Variants in PFKM observed in about 807,000 individuals in gnomAD.
PFKM encodes phosphofructokinase, muscle, also known as ATP-dependent 6-phosphofructokinase, muscle type.
In PFKM, 58 loss-of-function variants were observed where a neutral mutation model predicts 95.5. That is an observed-to-expected ratio of 0.61 (90% confidence interval 0.49 to 0.76). The LOEUF is 0.76. PFKM is among the 30% of genes least tolerant of loss of function. PFKM has a pLI of 0.00. For missense variants in PFKM, 678 were observed against 1,005.4 expected (o/e 0.67, Z 4.40); for synonymous variants, 336 against 357.2 (o/e 0.94, Z 0.67).
intron 10 of PFKM, among the ~76,000 whole-genome samples, chr12:48,136,474 G>A (rs189692986): frequency 5.9e-5 from 9 of 152,130 alleles, no homozygotes; most frequent in African/African-American, 2.2e-4. Flanking sequence ...AAGCGACTAT[G>A]AACATTTGTG....
At position 48,130,352 on chromosome 12, in the gene PFKM, C is replaced by A. The variant is rs2135841587; in HGVS notation, c.86-11C>A. The A allele has an allele frequency of 1.2e-6, 2 of 1,610,156 alleles. No homozygotes were observed. Among genetic ancestry groups the A allele is most frequent in the Non-Finnish European group, 8.5e-7 (1 of 1,176,322 alleles). Reference sequence around the variant, plus strand: ...CAACCTCTCCGTGACTTCTTTTGTCCCTCCTTTCAGGTATGAATGCTGCTG... The same window carrying A: ...CAACCTCTCCGTGACTTCTTTTGTCACTCCTTTCAGGTATGAATGCTGCTG... On this transcript the variant is annotated splice_polypyrimidine_tract_variant and intron_variant, in intron 2 of 22. Coordinates refer to ENST00000359794, the MANE Select transcript of PFKM (RefSeq NM_000289.6).
intron 13 of PFKM, 81 bp from the exon 14 acceptor site, chr12:48,140,640 GC>G: frequency 7.4e-7 from 1 of 1,343,118 alleles, no homozygotes. Context: ...AGGGCTTAGA[GC>G]CCTTGCCCTC....
chr12:48,138,806 G>A (rs1332189950), intron 11 of PFKM, among the ~76,000 whole-genome samples: 1 of 152,224 alleles, frequency 6.6e-6, no homozygotes. Context: ...TATAATCCCA[G>A]CACTTTGGGA....
chr12:48,134,715 T>C lies in PFKM; in HGVS notation c.639-6T>C. ...TCTAGCAGGATGCTTCTGACTCTCA[T>C]CTCAGATACCTGGCCCTTGTCACCT... On this transcript the variant is annotated splice_polypyrimidine_tract_variant and splice_region_variant and intron_variant, in intron 7 of 22. Transcript: ENST00000359794. 1.3e-6 allele frequency: 2 copies of C among 1,595,796 alleles called. No homozygotes were observed. The highest frequency in any genetic ancestry group is 1.7e-6 in the Non-Finnish European group (2 of 1,163,274).
chr12:48,142,149 T>C, intron 17 of PFKM, 83 bp downstream of exon 17: 1 of 1,293,944 alleles, frequency 7.7e-7, no homozygotes, highest in Non-Finnish European at 1.1e-6. Context: ...AGTGAGCTAC[T>C]CTTTATATCA....
chr12:48,127,620 C>T (rs544525818), intron 2 of PFKM, among the ~76,000 whole-genome samples: 1 of 152,318 alleles, frequency 6.6e-6, no homozygotes, highest in South Asian at 2.1e-4. Flanking sequence ...CAGTTCAGGC[C>T]TTCCACATTT....
upstream of PFKM, chr12:48,105,609 G>A (rs934097770): frequency 5.2e-5 from 24 of 457,870 alleles, no homozygotes; most frequent in Non-Finnish European, 5.2e-5. Context: ...GAAGGCGGGA[G>A]ATGAAGCCGG....
At position 48,141,366 on chromosome 12, in the gene PFKM, A is replaced by G. The variant is rs763549361; in HGVS notation, c.1397A>G (p.Lys466Arg). Residue 466 changes from lysine to arginine, a missense_variant, in exon 15 of 23, where the codon AAA becomes AGA. Coordinates refer to ENST00000359794, the MANE Select transcript of PFKM (RefSeq NM_000289.6). ...VGGWTGQGGS[K>R]LGTKRTLPKK... ...GGCTGGACTGGCCAAGGTGGCTCTA[A>G]ACTTGGGACTAAAAGGTAAGTAGCA... 6.2e-7 allele frequency: 1 copy of G among 1,614,078 alleles called. No individual in the cohort carries two copies. The highest frequency in any genetic ancestry group is 2.2e-5 in the East Asian group (1 of 44,878).
chr12:48,127,229 A>G (rs982724670), intron 2 of PFKM, among the ~76,000 whole-genome samples: 2 of 147,670 alleles, frequency 1.4e-5, no homozygotes, highest in Admixed American at 6.8e-5. Flanking sequence ...ATTAGTTTTT[A>G]TCATGGAACC....
chr12:48,143,074 GA>G (rs1950715393), intron 18 of PFKM, 128 bp downstream of exon 18: 1 of 864,882 alleles, frequency 1.2e-6, no homozygotes, highest in African/African-American at 1.7e-5. Context: ...GTGAAGACCA[GA>G]AAGAGCACTA....
chr12:48,117,285 T>C (rs537177454), upstream of PFKM, among the ~76,000 whole-genome samples: 2 of 152,388 alleles, frequency 1.3e-5, no homozygotes, highest in South Asian at 4.1e-4. Context: ...AATAAAGCTT[T>C]TATAAACATT....
chr12:48,115,347 G>A (rs1236237899), upstream of PFKM, among the ~76,000 whole-genome samples: 1 of 152,234 alleles, frequency 6.6e-6, no homozygotes, highest in Non-Finnish European at 1.5e-5. Context: ...TCCGAAAAAG[G>A]AGTCTGCAAA....
intron 1 of PFKM, 57 bp downstream of exon 1, chr12:48,119,463 G>T (rs1297549142): frequency 1.5e-4 from 145 of 957,140 alleles, no homozygotes; most frequent in Non-Finnish European, 1.8e-4. Flanking sequence ...AGGTGGGAAG[G>T]TATGGGCCGG....
At chr12:48,136,019 G>A (rs1474794395) in intron 10 of PFKM, among the ~76,000 whole-genome samples, 1 of 152,096 alleles carries the variant, frequency 6.6e-6, no homozygotes, top group Admixed American at 6.5e-5. Context: ...CTCCCAAGTA[G>A]CTGGGACTAC....
intron 4 of PFKM, 22 bp downstream of exon 4, chr12:48,131,415 G>A: frequency 6.4e-7 from 1 of 1,556,192 alleles, no homozygotes; most frequent in Non-Finnish European, 8.9e-7. Context: ...AGAACTCCCT[G>A]TCCCATATTT....
At chr12:48,105,732 T>C (rs2137442732), upstream of PFKM, 4 of 517,750 alleles carry the variant, frequency 7.7e-6, no homozygotes, top group Non-Finnish European at 1.4e-5. Flanking sequence ...GGCTGGGCGC[T>C]GGGATGGGGC....
chr12:48,118,113 C>A (rs1298361974), upstream of PFKM, among the ~76,000 whole-genome samples: 1 of 152,170 alleles, frequency 6.6e-6, no homozygotes, highest in Non-Finnish European at 1.5e-5. Context: ...AGAGTCTGTT[C>A]TATCAGTAAT....
intron 12 of PFKM, 187 bp downstream of exon 12, chr12:48,139,536 G>A (rs1592779046): frequency 1.5e-6 from 1 of 645,582 alleles, no homozygotes; most frequent in South Asian, 1.8e-5. Flanking sequence ...TCTCAGGGGT[G>A]TGGTCCCTGG....
In PFKM at chr12:48,146,090, C is replaced by T. The variant is rs1420236661; in HGVS notation, c.*382C>T. The T allele has an allele frequency of 1.1e-5, 3 of 263,846 alleles. No homozygotes were observed. The East Asian group carries it at 2.8e-4, about 25-fold the overall frequency. 16.3% of individuals were successfully genotyped at this position (263,846 alleles called of 1,614,324 possible). A position where few individuals can be genotyped will look rare whatever the true frequency, so the allele number is the denominator to read the frequency against. ...AAATTGTAACTACACTAATAAATGC[C>T]AACTGGTCACTGTGCTTTTGCTTCT... On this transcript the variant is annotated 3_prime_UTR_variant, in exon 23 of 23. Coordinates refer to ENST00000359794, the MANE Select transcript of PFKM (RefSeq NM_000289.6).
Sources: allele counts gnomAD v4.1 joint callset (sites outside exome capture counted in the v4.1 genomes callset), GRCh38; gene constraint gnomAD v4.1.1; transcripts MANE v1.5; gene names NCBI Gene and HGNC (gene_info 2026-07-23, HGNC 2026-07-21).